The following PAPOLA variants were observed in gnomAD, a reference collection of about 807,000 sequenced individuals.
PAPOLA encodes polynucleotide adenylyltransferase alpha.
PAPOLA carries 15 observed loss-of-function variants against 100.6 expected under a neutral mutation model. The observed-to-expected ratio is 0.15, with a 90% CI of 0.10 to 0.23. PAPOLA has a LOEUF of 0.23. Among genes scored for constraint, PAPOLA ranks in the 10% least tolerant of loss-of-function variants. The pLI, the probability that PAPOLA is intolerant of heterozygous loss-of-function variation, is 1.00. For missense variants in PAPOLA, 533 were observed against 884.2 expected, an observed-to-expected ratio of 0.60 and a Z score of 5.04; for synonymous variants, 293 against 300.0, an observed-to-expected ratio of 0.98 and a Z score of 0.24.
In PAPOLA at chr14:96,552,517, A is replaced by T; in HGVS notation, c.1559A>T (p.Asp520Val). 1 of 1,613,942 alleles carries T rather than the reference A, an allele frequency of 6.2e-7. No individual in the cohort carries two copies. Among genetic ancestry groups the T allele is most frequent in the South Asian group, 1.1e-5 (1 of 91,066 alleles). ...GGTGTCAAATTGACAGCTCTCAATG[A>T]CAGCAGCCTCGACTTGTCTATGGAC... is the stretch of plus-strand genomic sequence containing the variant. ...TEGVKLTALN[D>V]SSLDLSMDSD... is the part of the protein sequence containing the mutation. Residue 520 changes from aspartate (D) to valine (V), a missense_variant, in exon 17 of 22, where the codon GAC (aspartate) becomes GTC (valine). Around this residue, in one of 9 missense-constraint regions of PAPOLA, gnomAD observed 242 missense variants for 281.0 expected, o/e 0.86. Transcript: ENST00000216277.
At chr14:96,513,435 A>G (rs998362931) in intron 1 of PAPOLA, among the ~76,000 whole-genome samples, 8 of 152,164 alleles carry the variant, frequency 5.3e-5, no homozygotes, top group African/African-American at 9.7e-5. Flanking sequence ...ATGTCTTCCA[A>G]TTTCATGGCT....
intron 1 of PAPOLA, among the ~76,000 whole-genome samples, chr14:96,514,506 G>C (rs1014209074): frequency 2.0e-5 from 3 of 152,196 alleles, no homozygotes; most frequent in South Asian, 2.1e-4. Context: ...TCTAACTACT[G>C]TACCAAGGTG....
intron 20 of PAPOLA, among the ~76,000 whole-genome samples, chr14:96,562,035 C>T (rs903316574): frequency 4.6e-5 from 7 of 151,930 alleles, no homozygotes; most frequent in African/African-American, 1.7e-4. Context: ...GTGGGGATTA[C>T]AGGCACCCGC....
rs76082514 is a variant in PAPOLA, at chr14:96,525,829, T to C, written c.331+438T>C. Among the ~76,000 whole-genome samples the C allele has an allele frequency of 1.3e-5, 2 of 152,214 alleles. 1 individual carries two copies. The highest frequency in any genetic ancestry group is 3.9e-4 in the East Asian group (2 of 5,192). On this transcript the variant is annotated intron_variant, in intron 4 of 21. Coordinates refer to ENST00000216277, the MANE Select transcript of PAPOLA (RefSeq NM_032632.5). The stretch of plus-strand genomic sequence containing the variant: ...ACATTTTATCTGTTCAGTAGCCACA[T>C]ATGGCTAGTCGTTACTGCATTGGAA...
At chr14:96,520,264 C>CT (rs754887834) in intron 2 of PAPOLA, 36 bp downstream of exon 2, 1 of 1,527,610 alleles carries the variant, frequency 6.5e-7, no homozygotes, top group Non-Finnish European at 8.9e-7. Flanking sequence ...AACTCGGAAA[C>CT]TTTTATTAAT....
At chr14:96,526,221 G>A (rs1321606517) in intron 4 of PAPOLA, 2 of 152,068 alleles carry the variant, frequency 1.3e-5, no homozygotes, top group African/African-American at 4.8e-5. Context: ...ATCTTATTTA[G>A]TTCTTCCAGT....
At chr14:96,525,478 T>A in intron 4 of PAPOLA, 87 bp downstream of exon 4, 1 of 594,812 alleles carries the variant, frequency 1.7e-6, no homozygotes, top group Non-Finnish European at 3.0e-6. Context: ...GTGTATCATA[T>A]AGCTTAGGCT....
chr14:96,519,592 C>CT (rs1483548263), intron 1 of PAPOLA, among the ~76,000 whole-genome samples: 7 of 152,156 alleles, frequency 4.6e-5, no homozygotes, highest in African/African-American at 1.7e-4. Flanking sequence ...ATATTCAGTT[C>CT]TTTCCCTTCA....
chr14:96,508,847 G>C (rs1420857208), intron 1 of PAPOLA, among the ~76,000 whole-genome samples: 1 of 152,292 alleles, frequency 6.6e-6, no homozygotes, highest in African/African-American at 2.4e-5. Flanking sequence ...CATTATAGGA[G>C]GTAATTGGTT....
intron 1 of PAPOLA, among the ~76,000 whole-genome samples, chr14:96,507,715 G>A (rs1488054705): frequency 4.6e-5 from 7 of 152,166 alleles, no homozygotes; most frequent in African/African-American, 1.4e-4. Context: ...AGAGCTCTTT[G>A]GAGTGCTCAA....
chr14:96,523,866 C>T lies in PAPOLA; in HGVS notation c.250-1444C>T, dbSNP rs568909421. Reference sequence around the variant, plus strand: ...GCTGAGGCAGGATAATGGCTTGAACCGAGGAGGCAGAGGTTGCAGTAAGCC... The same window carrying T: ...GCTGAGGCAGGATAATGGCTTGAACTGAGGAGGCAGAGGTTGCAGTAAGCC... On this transcript the variant is annotated intron_variant, in intron 3 of 21. Coordinates refer to ENST00000216277, the MANE Select transcript of PAPOLA (RefSeq NM_032632.5). Among the ~76,000 whole-genome samples, 63 of 151,538 alleles carry T rather than the reference C, an allele frequency of 4.2e-4. 1 individual carries two copies. The highest frequency in any genetic ancestry group is 1.4e-3 in the African/African-American group (58 of 41,300).
In PAPOLA at chr14:96,542,904, T is replaced by A; in HGVS notation, c.1289+11T>A. Reference sequence around the variant, plus strand: ...AGAAAATCCCGACAAGTAAGCCCTTTTCTAATTTAATTTCTTCTTCCCATT... The same window carrying A: ...AGAAAATCCCGACAAGTAAGCCCTTATCTAATTTAATTTCTTCTTCCCATT... On this transcript the variant is annotated intron_variant, in intron 14 of 21. Coordinates refer to ENST00000216277, the MANE Select transcript of PAPOLA (RefSeq NM_032632.5). 6.2e-7 allele frequency: 1 copy of A among 1,608,122 alleles called. No individual in the cohort carries two copies. Among genetic ancestry groups the A allele is most frequent in the Non-Finnish European group, 8.5e-7 (1 of 1,178,514 alleles).
At chr14:96,503,954 T>C (rs1203191143) in intron 1 of PAPOLA, among the ~76,000 whole-genome samples, 1 of 152,210 alleles carries the variant, frequency 6.6e-6, no homozygotes, top group Non-Finnish European at 1.5e-5. Flanking sequence ...TCTATCACAT[T>C]ACTTCTGTGA....
intron 1 of PAPOLA, among the ~76,000 whole-genome samples, chr14:96,510,399 T>C (rs1199832656): frequency 6.6e-6 from 1 of 152,104 alleles, no homozygotes; most frequent in Non-Finnish European, 1.5e-5. Flanking sequence ...GGCAAGTTGA[T>C]GTAGCAGTGT....
intron 11 of PAPOLA, 36 bp downstream of exon 11, chr14:96,536,035 A>G (rs1184296988): frequency 1.3e-6 from 2 of 1,513,024 alleles, no homozygotes; most frequent in Non-Finnish European, 1.8e-6. Flanking sequence ...TTTATACAGG[A>G]AGGATTTACG....
At chr14:96,530,808 AT>A (rs1156768273) in intron 6 of PAPOLA, among the ~76,000 whole-genome samples, 1 of 152,118 alleles carries the variant, frequency 6.6e-6, no homozygotes, top group African/African-American at 2.4e-5. Flanking sequence ...TTTAAGGAAA[AT>A]TAGGTTTTTG....
chr14:96,522,683 G>T (rs1285538745), intron 3 of PAPOLA, among the ~76,000 whole-genome samples: 2 of 152,124 alleles, frequency 1.3e-5, no homozygotes, highest in Non-Finnish European at 2.9e-5. Flanking sequence ...AGGATTACAG[G>T]GGTGAGCCAC....
intron 1 of PAPOLA, among the ~76,000 whole-genome samples, chr14:96,505,501 A>G (rs1896645889): frequency 6.6e-6 from 1 of 152,232 alleles, no homozygotes; most frequent in Non-Finnish European, 1.5e-5. Flanking sequence ...AGTAGCATTT[A>G]TGCCACATGC....
At chr14:96,543,023 T>G (rs1900118540) in intron 14 of PAPOLA, 130 bp downstream of exon 14, 2 of 929,952 alleles carry the variant, frequency 2.2e-6, no homozygotes, top group Non-Finnish European at 3.2e-6. Flanking sequence ...AATTTAGAAC[T>G]TATAATTTAG....
Sources: gnomAD v4.1 joint callset for allele counts (sites outside exome capture counted in the v4.1 genomes callset) on GRCh38, gnomAD v4.1.1 for gene constraint, gnomAD v4.1.1 regional missense constraint, MANE v1.5 for transcripts, NCBI Gene and HGNC (gene_info 2026-07-23, HGNC 2026-07-21) for gene names.